The following RBFOX1 variants were observed in gnomAD, a reference collection of about 807,000 sequenced individuals.
RBFOX1 encodes RNA binding protein fox-1 homolog 1.
A neutral mutation model predicts 57.7 loss-of-function variants in RBFOX1; 8 were observed. That is an observed-to-expected ratio of 0.14 (90% confidence interval 0.08 to 0.25). The LOEUF is 0.25. RBFOX1 is among the 10% of genes least tolerant of loss of function. RBFOX1 has a pLI of 1.00. For missense variants in RBFOX1, 611 were observed against 548.5 expected (o/e 1.11, Z -1.14); for synonymous variants, 326 against 222.4 (o/e 1.47, Z -4.15).
intron 3 of RBFOX1, among the ~76,000 whole-genome samples, chr16:6,993,952 C>T (rs1231485553): frequency 6.6e-6 from 1 of 152,106 alleles, no homozygotes; most frequent in Non-Finnish European, 1.5e-5. Context: ...TGGTGCAAGG[C>T]AGAAAGATTA....
chr16:5,821,240 A>T (rs1567585997), intron 3 of RBFOX1, among the ~76,000 whole-genome samples: 1 of 150,274 alleles, frequency 6.7e-6, no homozygotes. Context: ...TAGGCTGGCC[A>T]CTTTCCATCC....
chr16:7,552,765 C>G (rs750660641), intron 5 of RBFOX1, among the ~76,000 whole-genome samples: 2 of 152,182 alleles, frequency 1.3e-5, no homozygotes, highest in Non-Finnish European at 2.9e-5. Flanking sequence ...TCACTGCAAC[C>G]TCTGCCTCCC....
intron 4 of RBFOX1, among the ~76,000 whole-genome samples, chr16:7,508,375 C>G (rs1202536011): frequency 6.6e-6 from 1 of 152,156 alleles, no homozygotes; most frequent in East Asian, 1.9e-4. Flanking sequence ...TCTTGTCTCT[C>G]TTTCCAAGGT....
At chr16:6,992,013 A>G (rs2091549586) in intron 3 of RBFOX1, among the ~76,000 whole-genome samples, 1 of 152,074 alleles carries the variant, frequency 6.6e-6, no homozygotes, top group African/African-American at 2.4e-5. Context: ...TATGAAAACT[A>G]CACCTTGAAA....
At chr16:6,418,464 G>C (rs1341660903) in intron 2 of RBFOX1, among the ~76,000 whole-genome samples, 1 of 151,726 alleles carries the variant, frequency 6.6e-6, no homozygotes, top group Admixed American at 6.6e-5. Flanking sequence ...TATCTGAGAG[G>C]GACTTGGAAT....
chr16:5,651,040 C>CTTTTTTTTT (rs869240597), intron 3 of RBFOX1, among the ~76,000 whole-genome samples: 809 of 56,894 alleles, frequency 0.014, 237 homozygotes, highest in South Asian at 0.021. Context: ...CTACCTCCTT[C>CTTTTTTTTT]TTTTTTTTTT....
At chr16:6,117,253 T>A (rs988557990) in intron 1 of RBFOX1, among the ~76,000 whole-genome samples, 2 of 152,174 alleles carry the variant, frequency 1.3e-5, no homozygotes, top group Admixed American at 1.3e-4. Context: ...CCTAGGAATT[T>A]GTGGACATGT....
At chr16:5,312,751 C>T (rs1567319039) in intron 1 of RBFOX1, among the ~76,000 whole-genome samples, 1 of 152,198 alleles carries the variant, frequency 6.6e-6, no homozygotes, top group African/African-American at 2.4e-5. Flanking sequence ...CAACATCACT[C>T]ATCACCTATA....
At chr16:7,024,515 T>G (rs2040300192) in intron 3 of RBFOX1, among the ~76,000 whole-genome samples, 1 of 152,178 alleles carries the variant, frequency 6.6e-6, no homozygotes, top group South Asian at 2.1e-4. Context: ...TAGGCCCTTG[T>G]GCAAAAATTC....
chr16:7,362,603 G>C (rs1348004514), intron 4 of RBFOX1, among the ~76,000 whole-genome samples: 1 of 151,828 alleles, frequency 6.6e-6, no homozygotes, highest in East Asian at 1.9e-4. Context: ...GGATGTTCTT[G>C]TGTATATGTT....
At chr16:5,704,159 G>C (rs919614981) in intron 3 of RBFOX1, among the ~76,000 whole-genome samples, 1 of 152,114 alleles carries the variant, frequency 6.6e-6, no homozygotes. Context: ...AAGAGGGGAG[G>C]TCCCAAATGC....
At chr16:7,004,835 T>G (rs1012568392) in intron 3 of RBFOX1, among the ~76,000 whole-genome samples, 5 of 152,126 alleles carry the variant, frequency 3.3e-5, no homozygotes, top group African/African-American at 4.8e-5. Context: ...TGGAACCTGT[T>G]GGGACAGAAC....
At chr16:7,234,574 A>T (rs2093672145) in intron 4 of RBFOX1, among the ~76,000 whole-genome samples, 1 of 127,418 alleles carries the variant, frequency 7.8e-6, no homozygotes, top group Admixed American at 8.4e-5. Context: ...GTTGCAAATG[A>T]CATGTGTATA....
intron 1 of RBFOX1, among the ~76,000 whole-genome samples, chr16:6,313,750 C>T (rs997259145): frequency 1.3e-5 from 2 of 151,900 alleles, no homozygotes; most frequent in Admixed American, 6.6e-5. Context: ...TCCACTGGGA[C>T]CTGAGATTCT....
chr16:6,279,862 G>A (rs2076195746), intron 1 of RBFOX1, among the ~76,000 whole-genome samples: 1 of 151,852 alleles, frequency 6.6e-6, no homozygotes, highest in African/African-American at 2.4e-5. Flanking sequence ...AGAGAGGAAG[G>A]GAGATTCATA....
chr16:6,290,132 G>A (rs1020296227), intron 1 of RBFOX1, among the ~76,000 whole-genome samples: 3 of 150,036 alleles, frequency 2.0e-5, no homozygotes, highest in Non-Finnish European at 3.0e-5. Flanking sequence ...GTTGTATTTA[G>A]AAACTACCTT....
chr16:7,450,336 G>A (rs1297667109), intron 4 of RBFOX1, among the ~76,000 whole-genome samples: 1 of 143,846 alleles, frequency 7.0e-6, no homozygotes, highest in Admixed American at 7.3e-5. Context: ...GGAGGTTGCA[G>A]TGAGCCGCAA....
Position 7,320,701 on chromosome 16 carries a change from C to G in RBFOX1, c.28-197446C>G, listed in dbSNP as rs144369171. On this transcript the variant is annotated intron_variant, in intron 4 of 15. Coordinates refer to ENST00000550418, the MANE Select transcript of RBFOX1 (RefSeq NM_018723.4). ...AATCATCATTTAAACGCTCAGCACT[C>G]TAATTGAGATATAAACAGATGTGAT... 1.1e-3 allele frequency among the ~76,000 whole-genome samples: 168 copies of G among 152,326 alleles called. 1 individual carries two copies. Among genetic ancestry groups the G allele is most frequent in the African/African-American group, 4.0e-3 (165 of 41,578 alleles).
chr16:6,870,001 T>C (rs1048967507), intron 3 of RBFOX1, among the ~76,000 whole-genome samples: 3 of 152,284 alleles, frequency 2.0e-5, no homozygotes, highest in Admixed American at 6.5e-5. Context: ...ATTTTCTACG[T>C]TGATGCTGTG....
Sources: allele counts gnomAD v4.1 joint callset (sites outside exome capture counted in the v4.1 genomes callset), GRCh38; gene constraint gnomAD v4.1.1; transcripts MANE v1.5; gene names NCBI Gene and HGNC (gene_info 2026-07-23, HGNC 2026-07-21).